Variants in POLR1C observed in about 807,000 individuals in gnomAD.
The protein encoded by POLR1C is DNA-directed RNA polymerases I and III subunit RPAC1.
POLR1C carries 42 observed loss-of-function variants against 38.3 expected under a neutral mutation model. The observed-to-expected ratio is 1.10, with a 90% CI of 0.86 to 1.42. The LOEUF is 1.42. Among genes scored for constraint, POLR1C ranks in the 40% most tolerant of loss-of-function variants. The pLI, the probability that POLR1C is intolerant of heterozygous loss-of-function variation, is 0.00. For synonymous variants in POLR1C, 163 were observed against 163.9 expected (o/e 0.99, Z 0.04); for missense variants, 507 against 450.5 (o/e 1.13, Z -1.14).
At chr6:43,539,545 G>A in intron 9 of POLR1C, 1 of 1,420,502 alleles carries the variant, frequency 7.0e-7, no homozygotes, top group Non-Finnish European at 9.8e-7. Context: ...CTTTGGCCTT[G>A]CCTCCGCGAG....
downstream of POLR1C, chr6:43,533,759 C>G: frequency 2.2e-6 from 1 of 455,424 alleles, no homozygotes. Flanking sequence ...TGCTTGAGTC[C>G]AAGAGTTTGA....
In POLR1C at chr6:43,521,512, A is replaced by G; in HGVS notation, c.*212A>G. ...GTAAATAAACTCACCCAAACAAAAAAACTTTTTGAGACTACTTTTGAGTTT... is the reference window on the plus strand; with the variant it reads ...GTAAATAAACTCACCCAAACAAAAAGACTTTTTGAGACTACTTTTGAGTTT... On this transcript the variant is annotated 3_prime_UTR_variant, in exon 9 of 9. Transcript: ENST00000642195. The G allele has an allele frequency of 7.6e-7, 1 of 1,320,418 alleles. No individual in the cohort carries two copies. The highest frequency in any genetic ancestry group is 9.7e-7 in the Non-Finnish European group (1 of 1,027,634). 81.8% of individuals were successfully genotyped at this position (1,320,418 alleles called of 1,614,324 possible).
At chr6:43,536,800 C>T (rs1436882686) in intron 9 of POLR1C, among the ~76,000 whole-genome samples, 8 of 108,584 alleles carry the variant, frequency 7.4e-5, no homozygotes, top group Non-Finnish European at 1.5e-4. Flanking sequence ...AGCAGCTTTA[C>T]TTTTTGGGTT....
intron 10 of POLR1C, chr6:43,560,852 T>C (rs1192558483): frequency 8.2e-6 from 10 of 1,219,062 alleles, no homozygotes; most frequent in Non-Finnish European, 1.2e-5. Context: ...TCTACAATAA[T>C]ATTTCAGGAC....
chr6:43,548,468 T>C, intron 9 of POLR1C: 1 of 1,522,814 alleles, frequency 6.6e-7, no homozygotes, highest in Non-Finnish European at 8.9e-7. Context: ...GGGCTACAGA[T>C]CAAAAAGAAA....
chr6:43,556,730 C>A lies in POLR1C; in HGVS notation c.*49-4670C>A, dbSNP rs550993473. On this transcript the variant is annotated intron_variant, in intron 10 of 10. Coordinates refer to the POLR1C transcript ENST00000607635. ...AAACCTTGTATATAAATGTTCATAG[C>A]AGCATTATTTGTAATAGCCAAAAAA... Among the ~76,000 whole-genome samples the A allele has an allele frequency of 2.6e-5, 4 of 152,176 alleles. No individual in the cohort carries two copies. In the East Asian group the frequency reaches 5.8e-4, roughly 22 times the overall value.
downstream of POLR1C, chr6:43,522,893 T>A (rs1793284985): frequency 5.5e-6 from 1 of 182,888 alleles, no homozygotes; most frequent in Non-Finnish European, 1.3e-5. Context: ...ACAGTACAGG[T>A]TGTGATGTGA....
At chr6:43,534,361 G>T (rs536790501), downstream of POLR1C, among the ~76,000 whole-genome samples, 10 of 152,258 alleles carry the variant, frequency 6.6e-5, 2 homozygotes, top group South Asian at 1.2e-3. Flanking sequence ...GCAACACTGT[G>T]GATTTACAGG....
At chr6:43,551,469 A>G in intron 10 of POLR1C, 2 of 1,607,744 alleles carry the variant, frequency 1.2e-6, no homozygotes, top group Non-Finnish European at 1.7e-6. Flanking sequence ...ACAAAGACAT[A>G]AAACAGGTTG....
intron 4 of POLR1C, 73 bp from the exon 5 acceptor site, chr6:43,519,993 C>T (rs1793054425): frequency 2.5e-6 from 4 of 1,585,318 alleles, no homozygotes; most frequent in South Asian, 2.3e-5. Flanking sequence ...AAATGGGAAA[C>T]ACGTAAAGCA....
Position 43,521,220 on chromosome 6 carries a change from C to T in POLR1C, c.961C>T (p.Leu321=). The T allele has an allele frequency of 6.2e-7, 1 of 1,613,966 alleles. No homozygotes were observed. Among genetic ancestry groups the T allele is most frequent in the Non-Finnish European group, 8.5e-7 (1 of 1,180,018 alleles). Residue 321 remains leucine (L), a synonymous_variant, in exon 9 of 9, where the codon CTG becomes TTG. Coordinates refer to ENST00000642195, the MANE Select transcript of POLR1C (RefSeq NM_203290.4). Reference sequence around the variant, plus strand: ...AACGGGGGTGTTGCCACCAGATGTGCTGGTGAGTGAAGCCATCAAAGTACT... The same window carrying T: ...AACGGGGGTGTTGCCACCAGATGTGTTGGTGAGTGAAGCCATCAAAGTACT... ...ESTGVLPPDV[L]VSEAIKVLMG... is the part of the protein sequence containing the mutation.
chr6:43,543,265 C>T (rs942953012), intron 9 of POLR1C, among the ~76,000 whole-genome samples: 10 of 152,076 alleles, frequency 6.6e-5, no homozygotes, highest in African/African-American at 2.4e-4. Flanking sequence ...CTAGCCTCAG[C>T]AACATAGAGA....
downstream of POLR1C, chr6:43,530,568 A>G: frequency 8.3e-7 from 1 of 1,210,360 alleles, no homozygotes; most frequent in Non-Finnish European, 1.1e-6. Context: ...ATACACTTAG[A>G]TACATAATCT....
chr6:43,533,894 T>C (rs754820642), downstream of POLR1C: 3 of 1,579,104 alleles, frequency 1.9e-6, no homozygotes, highest in Non-Finnish European at 2.6e-6. Context: ...AGAAAAAAGG[T>C]TACATTTCTT....
At chr6:43,555,180 G>C (rs1040912948) in intron 10 of POLR1C, 1 of 152,238 alleles carries the variant, frequency 6.6e-6, no homozygotes, top group Non-Finnish European at 1.5e-5. Flanking sequence ...GACCTCAGGT[G>C]ATCTGCCCGC....
intron 2 of POLR1C, 149 bp from the exon 3 acceptor site, chr6:43,519,184 C>T (rs904303611): frequency 4.2e-5 from 29 of 689,856 alleles, no homozygotes; most frequent in African/African-American, 1.4e-4. Flanking sequence ...AAACACTGGG[C>T]GAGATAGAAT....
chr6:43,525,555 G>C, downstream of POLR1C: 1 of 525,158 alleles, frequency 1.9e-6, no homozygotes, highest in East Asian at 3.2e-5. Flanking sequence ...TGTATGTGTA[G>C]GATGGAGACA....
intron 10 of POLR1C, chr6:43,555,879 T>A: frequency 6.2e-7 from 1 of 1,613,980 alleles, no homozygotes; most frequent in Middle Eastern, 1.6e-4. Flanking sequence ...GTTGATACTT[T>A]AGCCACTCCC....
At chr6:43,556,464 T>C (rs1458160987) in intron 10 of POLR1C, among the ~76,000 whole-genome samples, 2 of 150,370 alleles carry the variant, frequency 1.3e-5, no homozygotes, top group East Asian at 3.9e-4. Flanking sequence ...AGGTGAAGAT[T>C]GTAGTGAGCC....
Sources: gnomAD v4.1 joint callset for allele counts (sites outside exome capture counted in the v4.1 genomes callset) on GRCh38, gnomAD v4.1.1 for gene constraint, MANE v1.5 for transcripts, NCBI Gene and HGNC (gene_info 2026-07-23, HGNC 2026-07-21) for gene names.